FSIP2: variants seen among roughly 807,000 people sequenced by gnomAD.
FSIP2 encodes the protein fibrous sheath-interacting protein 2.
A neutral mutation model predicts 510.5 loss-of-function variants in FSIP2; 367 were observed. That is an observed-to-expected ratio of 0.72 (90% CI 0.66 to 0.78). The LOEUF is 0.78. FSIP2 is among the 30% of genes least tolerant of loss of function. The pLI is 0.00. For synonymous variants in FSIP2, 2,601 were observed against 2,732.2 expected (o/e 0.95, Z 1.50); for missense variants, 7,594 against 7,901.7 (o/e 0.96, Z 1.48).
At chr2:185,758,031 G>T (rs1692276405) in intron 9 of FSIP2, among the ~76,000 whole-genome samples, 1 of 151,012 alleles carries the variant, frequency 6.6e-6, no homozygotes. Context: ...ATAGTAATAT[G>T]TTCTCATAAC....
chr2:185,761,778 CTAGT>C (rs1430474390), intron 10 of FSIP2, among the ~76,000 whole-genome samples, 190 bp from the exon 11 acceptor site: 13 of 151,252 alleles, frequency 8.6e-5, no homozygotes, highest in African/African-American at 2.7e-4. Flanking sequence ...CAGTTTTGGA[CTAGT>C]TAAACTTGAG....
chr2:185,772,987 A>G (rs1692638792), intron 13 of FSIP2, among the ~76,000 whole-genome samples: 1 of 151,964 alleles, frequency 6.6e-6, no homozygotes, highest in African/African-American at 2.4e-5. Context: ...CAGCTTCCCA[A>G]ATAGCTGAGA....
At chr2:185,783,540 G>A (rs1454058316) in intron 14 of FSIP2, among the ~76,000 whole-genome samples, 1 of 152,030 alleles carries the variant, frequency 6.6e-6, no homozygotes, top group Non-Finnish European at 1.5e-5. Flanking sequence ...GTTCAGACAA[G>A]GCTTCCTGAA....
intron 19 of FSIP2, among the ~76,000 whole-genome samples, chr2:185,820,148 T>C (rs1029533303): frequency 1.3e-5 from 2 of 151,938 alleles, no homozygotes; most frequent in African/African-American, 4.8e-5. Flanking sequence ...AGGTGGAAGG[T>C]AATTGAATCA....
In FSIP2 at chr2:185,791,966, A is replaced by G; in HGVS notation, c.4830A>G (p.Gly1610=). 1 of 1,533,788 alleles carries G rather than the reference A, an allele frequency of 6.5e-7. No homozygotes were observed. The highest frequency in any genetic ancestry group is 8.7e-7 in the Non-Finnish European group (1 of 1,145,288). ...AAATTTTGGGTGCTATTAATGATGGAAATAAGAAAAGCAATAAGATAGGCT... is the reference window on the plus strand; with the variant it reads ...AAATTTTGGGTGCTATTAATGATGGGAATAAGAAAAGCAATAAGATAGGCT... ...HLEILGAIND[G]NKKSNKIGWE... is the part of the protein sequence containing the mutation. The change falls in exon 16 of 23, where the codon GGA becomes GGG. Residue 1610 remains glycine (G), a synonymous_variant. Transcript: ENST00000424728.
chr2:185,779,295 A>G (rs982828137), intron 13 of FSIP2, among the ~76,000 whole-genome samples: 2 of 114,938 alleles, frequency 1.7e-5, no homozygotes, highest in South Asian at 6.8e-4. Context: ...TTTAGTTTTT[A>G]TCTAGTTTTT....
intron 16 of FSIP2, among the ~76,000 whole-genome samples, chr2:185,798,132 G>A (rs548457907): frequency 6.6e-6 from 1 of 151,994 alleles, no homozygotes; most frequent in South Asian, 2.1e-4. Flanking sequence ...AGGAGATTTT[G>A]GTTGAGCATG....
chr2:185,799,241 A>G (rs1254844193), intron 16 of FSIP2, among the ~76,000 whole-genome samples: 2 of 151,862 alleles, frequency 1.3e-5, no homozygotes, highest in Non-Finnish European at 2.9e-5. Flanking sequence ...ATTTTAGTCA[A>G]CTTGATATTG....
In FSIP2 at chr2:185,796,728, GAA is replaced by G; in HGVS notation, c.9595_9596del (p.Lys3199ValfsTer20). The G allele has an allele frequency of 6.5e-7, 1 of 1,535,084 alleles. No individual in the cohort carries two copies. The highest frequency in any genetic ancestry group is 1.7e-4 in the Middle Eastern group (1 of 5,980). The part of the protein sequence containing the change: ...FVFCSDEDMK[E>X]KYRVSSDLPT... The stretch of plus-strand genomic sequence containing the variant: ...GTTTTGTTCAGATGAAGATATGAAA[GAA>G]AAGTACAGGGTTTCATCAGATTTAC... On this transcript the variant is annotated frameshift_variant, in exon 16 of 23. Transcript: ENST00000424728. LOFTEE classifies it high-confidence loss of function.
intron 13 of FSIP2, among the ~76,000 whole-genome samples, chr2:185,779,708 C>T (rs1157640406): frequency 1.3e-5 from 2 of 151,772 alleles, no homozygotes; most frequent in East Asian, 3.9e-4. Context: ...TTATATTTGC[C>T]CACCTGTTTA....
intron 9 of FSIP2, 93 bp from the exon 10 acceptor site, chr2:185,760,895 T>A: frequency 5.9e-6 from 3 of 509,448 alleles, no homozygotes; most frequent in Non-Finnish European, 1.0e-5. Flanking sequence ...ATTAAATAAT[T>A]AAATAGATAC....
intron 19 of FSIP2, among the ~76,000 whole-genome samples, chr2:185,816,017 C>A (rs1358392805): frequency 1.3e-5 from 2 of 151,968 alleles, no homozygotes; most frequent in Non-Finnish European, 2.9e-5. Flanking sequence ...TGGGCTATAA[C>A]AGTTATAGGG....
Position 185,789,921 on chromosome 2 carries a change from G to A in FSIP2, c.2785G>A (p.Glu929Lys). 6.5e-7 allele frequency: 1 copy of A among 1,533,890 alleles called. No homozygotes were observed. Among genetic ancestry groups the A allele is most frequent in the Non-Finnish European group, 8.7e-7 (1 of 1,145,350 alleles). The change falls in exon 16 of 23, where the codon GAA becomes AAA. Residue 929 changes from glutamate (E) to lysine (K), a missense_variant. Glu to Lys is a moderately conservative substitution (Grantham distance 56, BLOSUM62 1). Transcript: ENST00000424728. Reference protein sequence around the residue: ...ELNNERIIASEETVVLLQLLE... With the variant: ...ELNNERIIASKETVVLLQLLE... ...AAATAATGAGAGAATTATTGCATCT[G>A]AAGAAACCGTAGTACTCCTTCAGCT...
chr2:185,755,940 G>A (rs539827397), intron 8 of FSIP2, among the ~76,000 whole-genome samples: 1 of 151,454 alleles, frequency 6.6e-6, no homozygotes, highest in Non-Finnish European at 1.5e-5. Context: ...TGAGCCAGGT[G>A]CAGATTTCCT....
chr2:185,802,932 C>T lies in FSIP2; in HGVS notation c.13626C>T (p.His4542=). ...TTTATTCAGAAGATGATATTCAGCA[C>T]CTTGTTGATTCAGTATTTGCAAATG... ...KFIYSEDDIQ[H]LVDSVFANVV... is the part of the protein sequence containing the mutation. The change falls in exon 17 of 23, where the codon CAC becomes CAT. Residue 4542 remains histidine, a synonymous_variant. Transcript: ENST00000424728. 3 of 1,513,584 alleles carry T rather than the reference C, an allele frequency of 2.0e-6. No homozygotes were observed. Among genetic ancestry groups the T allele is most frequent in the Non-Finnish European group, 2.6e-6 (3 of 1,138,678 alleles). The allele number at this position is 1,513,584 out of a possible 1,614,324, so 93.8% of individuals were successfully genotyped here.
intron 2 of FSIP2, among the ~76,000 whole-genome samples, chr2:185,742,822 TAAAAC>T (rs1265839195): frequency 6.6e-6 from 1 of 152,212 alleles, no homozygotes; most frequent in Non-Finnish European, 1.5e-5. Context: ...CTTTGTACCT[TAAAAC>T]AAACTATATG....
rs754614966 is a variant in FSIP2, at chr2:185,744,313, T to C, written c.388-9T>C. On this transcript the variant is annotated splice_polypyrimidine_tract_variant and intron_variant, in intron 3 of 22. Transcript: ENST00000424728. Reference sequence around the variant, plus strand: ...TAAAATATCCATCTGTTTTCATTTTTGTTTGTAGGTTGTATGTACCTTGAG... The same window carrying C: ...TAAAATATCCATCTGTTTTCATTTTCGTTTGTAGGTTGTATGTACCTTGAG... 8 of 879,524 alleles carry C rather than the reference T, an allele frequency of 9.1e-6. No individual in the cohort carries two copies. In the South Asian group the frequency reaches 2.4e-4, roughly 27 times the overall value. The allele number at this position is 879,524 out of a possible 1,614,324, so 54.5% of individuals were successfully genotyped here.
At chr2:185,747,948 C>A (rs1412467937) in intron 7 of FSIP2, among the ~76,000 whole-genome samples, 1 of 151,984 alleles carries the variant, frequency 6.6e-6, no homozygotes, top group African/African-American at 2.4e-5. Context: ...ACAAGCATTG[C>A]AAGCTGTTCT....
chr2:185,806,983 A>C lies in FSIP2; in HGVS notation c.17677A>C (p.Met5893Leu). The C allele has an allele frequency of 6.2e-7, 1 of 1,608,238 alleles. No individual in the cohort carries two copies. The highest frequency in any genetic ancestry group is 8.5e-7 in the Non-Finnish European group (1 of 1,177,946). The change falls in exon 17 of 23, where the codon ATG becomes CTG. Residue 5893 changes from methionine (M) to leucine (L), a missense_variant. Transcript: ENST00000424728. ...AAAATCTGCAGATAAAATGCCACCT[A>C]TGCATAAAATGATGAGAAAACCTTC... Reference protein sequence around the residue: ...KIKSADKMPPMHKMMRKPSSD... With the variant: ...KIKSADKMPPLHKMMRKPSSD...
Sources: allele counts gnomAD v4.1 joint callset (sites outside exome capture counted in the v4.1 genomes callset), GRCh38; gene constraint gnomAD v4.1.1; transcripts MANE v1.5; gene names NCBI Gene and HGNC (gene_info 2026-07-23, HGNC 2026-07-21).